The following KNL1 variants were observed in gnomAD, a reference collection of about 807,000 sequenced individuals.
The protein encoded by KNL1 is kinetochore scaffold 1.
Under a neutral mutation model 201.3 loss-of-function variants are expected in KNL1, and 66 were observed. The observed-to-expected ratio is 0.33, with a 90% confidence interval of 0.27 to 0.40. The LOEUF (loss-of-function observed/expected upper bound fraction) is 0.40. Ranked by LOEUF, KNL1 falls within the 10% of genes least tolerant of loss-of-function variation. KNL1 has a pLI of 1.00. For synonymous variants in KNL1, 895 were observed against 899.2 expected, an observed-to-expected ratio of 1.00 and a Z score of 0.08; for missense variants, 2,815 against 2,690.5, an observed-to-expected ratio of 1.05 and a Z score of -1.02.
intron 10 of KNL1, chr15:40,625,919 A>G: frequency 2.8e-6 from 1 of 354,532 alleles, no homozygotes; most frequent in Middle Eastern, 8.9e-4. Flanking sequence ...AATTTCAAAA[A>G]TTTCAAAAGG....
In KNL1 at chr15:40,597,054, A is replaced by G. The variant is rs73394728; in HGVS notation, c.-18+2662A>G. 6.8e-3 allele frequency among the ~76,000 whole-genome samples: 1,027 copies of G among 151,352 alleles called. 8 individuals carry two copies. Among genetic ancestry groups the G allele is most frequent in the African/African-American group, 0.024 (986 of 41,264 alleles). On this transcript the variant is annotated intron_variant, in intron 1 of 25. Coordinates refer to ENST00000399668, the MANE Select transcript of KNL1 (RefSeq NM_144508.5). ...GCTTTTTATCACAGCAACTGCAAAC[A>G]GTTTATCTTTACAGTGATGTTATTA...
At chr15:40,596,099 G>A (rs1891612028) in intron 1 of KNL1, among the ~76,000 whole-genome samples, 3 of 152,144 alleles carry the variant, frequency 2.0e-5, no homozygotes, top group African/African-American at 7.2e-5. Flanking sequence ...ATTATTTAGA[G>A]TAGTGGTTCC....
In KNL1 at chr15:40,623,085, A is replaced by G. The variant is rs568461993; in HGVS notation, c.2821A>G (p.Lys941Glu). The G allele has an allele frequency of 1.2e-6, 2 of 1,613,932 alleles. No individual in the cohort carries two copies. Among genetic ancestry groups the G allele is most frequent in the African/African-American group, 1.3e-5 (1 of 75,046 alleles). ...TGAAATAACTACTAGGCCTATGGAC[A>G]AAACTGTAGTGTTTGTAGATAATCA... ...PDEITTRPMD[K>E]TVVFVDNHVE... Residue 941 changes from lysine (K) to glutamate (E), a missense_variant, in exon 10 of 26, where the codon AAA becomes GAA. Physicochemically the swap from Lys to Glu is moderately conservative, Grantham distance 56. Coordinates refer to ENST00000399668, the MANE Select transcript of KNL1 (RefSeq NM_144508.5).
Position 40,663,866 on chromosome 15 carries a change from A to G in KNL1, c.*1678A>G, listed in dbSNP as rs1329628523. The G allele has an allele frequency of 5.2e-6, 1 of 193,614 alleles. No homozygotes were observed. The highest frequency in any genetic ancestry group is 6.1e-5 in the Admixed American group (1 of 16,352). The allele number at this position is 193,614 out of a possible 1,614,324, so 12.0% of individuals were successfully genotyped here. A position where few individuals can be genotyped will look rare whatever the true frequency, so the allele number is the denominator to read the frequency against. On this transcript the variant is annotated 3_prime_UTR_variant, in exon 26 of 26. Transcript: ENST00000399668. Reference sequence around the variant, plus strand: ...TTTGGATCAGGTTAAAGTCCTGTGGATCCCCTGAATGTTATTGTCCCTCTT... The same window carrying G: ...TTTGGATCAGGTTAAAGTCCTGTGGGTCCCCTGAATGTTATTGTCCCTCTT...
At chr15:40,608,933 A>AAATACCAGTACCTAT in intron 5 of KNL1, 25 bp downstream of exon 5, 2 of 1,522,962 alleles carry the variant, frequency 1.3e-6, no homozygotes, top group Non-Finnish European at 1.8e-6. Context: ...GAAATAACTA[A>AAATACCAGTACCTAT]AATATTATAG....
intron 5 of KNL1, among the ~76,000 whole-genome samples, chr15:40,609,145 C>T (rs542018866): frequency 2.0e-5 from 3 of 151,426 alleles, no homozygotes; most frequent in Non-Finnish European, 2.9e-5. Flanking sequence ...TGCTGGCTCA[C>T]GCCTGTAATC....
rs1891552176 is a variant in KNL1, at chr15:40,594,281, G to T, written c.-129G>T. On this transcript the variant is annotated 5_prime_UTR_variant, in exon 1 of 26. Transcript: ENST00000399668. ...AATACTTCACTGAGGCGAGCCGGGCGTTGTGAGCGGACTGCTAGAGGCGGC... is the reference window on the plus strand; with the variant it reads ...AATACTTCACTGAGGCGAGCCGGGCTTTGTGAGCGGACTGCTAGAGGCGGC... 1 of 152,298 alleles carries T rather than the reference G, an allele frequency of 6.6e-6. No individual in the cohort carries two copies. The highest frequency in any genetic ancestry group is 1.5e-5 in the Non-Finnish European group (1 of 68,082). 9.4% of individuals were successfully genotyped at this position (152,298 alleles called of 1,614,324 possible). A position where few individuals can be genotyped will look rare whatever the true frequency, so the allele number is the denominator to read the frequency against.
chr15:40,613,461 TGAAAC>T (rs149819989), intron 7 of KNL1, among the ~76,000 whole-genome samples: 3,018 of 152,276 alleles, frequency 0.02, 100 homozygotes, highest in African/African-American at 0.07. Flanking sequence ...TTAAAATTGT[TGAAAC>T]GAAGAAATGG....
chr15:40,630,917 C>T lies in KNL1; in HGVS notation c.5682+1546C>T, dbSNP rs376796468. ...GACAGATCGCCTGAGCTTAGGAGTT[C>T]AAGACCAGTCTGGCCAACATGGCTG... On this transcript the variant is annotated intron_variant, in intron 13 of 25. Coordinates refer to ENST00000399668, the MANE Select transcript of KNL1 (RefSeq NM_144508.5). 1.1e-4 allele frequency among the ~76,000 whole-genome samples: 17 copies of T among 152,024 alleles called. 1 individual carries two copies. The East Asian group carries it at 2.3e-3, about 21-fold the overall frequency.
At chr15:40,612,146 T>C (rs1892184986) in intron 7 of KNL1, among the ~76,000 whole-genome samples, 1 of 152,044 alleles carries the variant, frequency 6.6e-6, no homozygotes, top group African/African-American at 2.4e-5. Flanking sequence ...TGAAACCCCA[T>C]CTCTACTAAG....
chr15:40,606,403 C>A lies in KNL1; in HGVS notation c.86C>A (p.Pro29His), dbSNP rs1347779764. The A allele has an allele frequency of 1.3e-6, 2 of 1,574,664 alleles. No homozygotes were observed. Among genetic ancestry groups the A allele is most frequent in the South Asian group, 1.1e-5 (1 of 89,910 alleles). ...TAATTGTTACCCTAGATATTGAAAC[C>A]CCCAAGGAGTCCTCTTCAGGACCTC... ...VRRRHSSILK[P>H]PRSPLQDLRG... The change falls in exon 4 of 26, where the codon CCC becomes CAC. Residue 29 changes from proline (P) to histidine (H), a missense_variant. By Grantham distance (77) the Pro-to-His change is moderately conservative (BLOSUM62 -2). Coordinates refer to ENST00000399668, the MANE Select transcript of KNL1 (RefSeq NM_144508.5).
In KNL1 at chr15:40,621,842, A is replaced by G. The variant is rs1372904523; in HGVS notation, c.1578A>G (p.Thr526=). The stretch of plus-strand genomic sequence containing the variant: ...TGATGCTCCAAAATCTTATGACCAC[A>G]TCAGAAGATGGGAAAATGAATGTAA... ...KEMMLQNLMT[T]SEDGKMNVNC... Residue 526 remains threonine, a synonymous_variant, in exon 10 of 26, where the codon ACA becomes ACG. Transcript: ENST00000399668. 1.2e-6 allele frequency: 2 copies of G among 1,613,800 alleles called. No homozygotes were observed. Among genetic ancestry groups the G allele is most frequent in the Non-Finnish European group, 1.7e-6 (2 of 1,179,694 alleles).
Position 40,628,222 on chromosome 15 carries a change from G to A in KNL1, c.5515+14G>A. On this transcript the variant is annotated intron_variant, in intron 11 of 25. Coordinates refer to ENST00000399668, the MANE Select transcript of KNL1 (RefSeq NM_144508.5). ...TGGACTTCAGCAGTAAGAGCTTCAT[G>A]AAGGCTAAATAATAGCAGCCATCTG... 6.3e-7 allele frequency: 1 copy of A among 1,578,550 alleles called. No homozygotes were observed. The highest frequency in any genetic ancestry group is 8.6e-7 in the Non-Finnish European group (1 of 1,168,890).
chr15:40,622,112 CA>C lies in KNL1; in HGVS notation c.1852del (p.Ser618ValfsTer11). The C allele has an allele frequency of 6.2e-7, 1 of 1,614,002 alleles. No individual in the cohort carries two copies. Among genetic ancestry groups the C allele is most frequent in the Non-Finnish European group, 8.5e-7 (1 of 1,179,954 alleles). ...SSSDECEEIT[K>X]SRNEPFQRSD... ...CTTCAGATGAATGTGAAGAAATTAC[CA>C]AAAGTCGTAATGAACCATTTCAGCG... On this transcript the variant is annotated frameshift_variant, in exon 10 of 26. Transcript: ENST00000399668. LOFTEE classifies it high-confidence loss of function.
chr15:40,600,042 TG>T (rs1047418551), intron 1 of KNL1, among the ~76,000 whole-genome samples: 2 of 151,554 alleles, frequency 1.3e-5, no homozygotes, highest in Non-Finnish European at 2.9e-5. Flanking sequence ...TACAAATTGC[TG>T]GATTCTTTTT....
intron 8 of KNL1, among the ~76,000 whole-genome samples, chr15:40,617,618 C>T (rs1025913788): frequency 2.0e-5 from 3 of 152,164 alleles, no homozygotes; most frequent in African/African-American, 7.2e-5. Context: ...AGGAGTTAGT[C>T]AGATGTTCTG....
At position 40,625,036 on chromosome 15, in the gene KNL1, A is replaced by G. The variant is rs200656662; in HGVS notation, c.4772A>G (p.Asn1591Ser). The change falls in exon 10 of 26, where the codon AAT (asparagine) becomes AGT (serine). Residue 1591 changes from asparagine to serine, a missense_variant. By Grantham distance (46) the Asn-to-Ser change is conservative (BLOSUM62 1). Around this residue, in one of 3 missense-constraint regions of KNL1, gnomAD observed 2,464 missense variants for 2,291.7 expected, o/e 1.08. Transcript: ENST00000399668. ...CCAGAGCAATTACTTGAATTAGGAA[A>G]TAAGGCACACAATGATATGCATATA... ...PLPEQLLELGNKAHNDMHIVQ... is the reference protein window; with the variant it reads ...PLPEQLLELGSKAHNDMHIVQ... 2.4e-4 allele frequency: 388 copies of G among 1,613,990 alleles called. No individual in the cohort carries two copies. The African/African-American group carries it at 4.3e-3, about 18-fold the overall frequency.
intron 21 of KNL1, among the ~76,000 whole-genome samples, chr15:40,654,180 G>A (rs1893652370): frequency 6.6e-6 from 1 of 152,166 alleles, no homozygotes; most frequent in Non-Finnish European, 1.5e-5. Context: ...TAACTCTAGA[G>A]TCTGGGGGAG....
chr15:40,602,980 A>G lies in KNL1; in HGVS notation c.35+14A>G. 6.4e-7 allele frequency: 1 copy of G among 1,557,478 alleles called. No homozygotes were observed. Among genetic ancestry groups the G allele is most frequent in the Non-Finnish European group, 8.8e-7 (1 of 1,133,646 alleles). ...TAATGAAGAAAAGTAAGTTCATTTA[A>G]TGCAGCTAAAAATATTATATTCTAT... is the stretch of plus-strand genomic sequence containing the variant. On this transcript the variant is annotated intron_variant, in intron 2 of 25. Coordinates refer to ENST00000399668, the MANE Select transcript of KNL1 (RefSeq NM_144508.5).
Sources: gnomAD v4.1 joint callset for allele counts (sites outside exome capture counted in the v4.1 genomes callset) on GRCh38, gnomAD v4.1.1 for gene constraint, gnomAD v4.1.1 regional missense constraint, MANE v1.5 for transcripts, NCBI Gene and HGNC (gene_info 2026-07-23, HGNC 2026-07-21) for gene names.